Variants in STAT5A observed in about 807,000 individuals in gnomAD.
STAT5A encodes the protein signal transducer and activator of transcription 5A, also known as epididymis secretory sperm binding protein.
Under a neutral mutation model 100.2 loss-of-function variants are expected in STAT5A, and 26 were observed. That is an observed-to-expected ratio of 0.26 (90% CI 0.19 to 0.36). STAT5A has a LOEUF of 0.36. Ranked by LOEUF, STAT5A falls within the 10% of genes least tolerant of loss-of-function variation. STAT5A has a pLI of 1.00. For missense variants in STAT5A, 634 were observed against 1,027.5 expected, an observed-to-expected ratio of 0.62 and a Z score of 5.24; for synonymous variants, 330 against 424.3, an observed-to-expected ratio of 0.78 and a Z score of 2.73.
chr17:42,293,577 T>C (rs1403056290), intron 4 of STAT5A, among the ~76,000 whole-genome samples: 1 of 152,244 alleles, frequency 6.6e-6, no homozygotes, highest in Non-Finnish European at 1.5e-5. Flanking sequence ...TCTTACTGTG[T>C]GTCCGATGCT....
At chr17:42,306,170 G>C in intron 12 of STAT5A, 71 bp from the exon 13 acceptor site, 1 of 1,610,232 alleles carries the variant, frequency 6.2e-7, no homozygotes, top group Non-Finnish European at 8.5e-7. Flanking sequence ...AGGTGTCTGT[G>C]TATCTTGTGT....
intron 6 of STAT5A, 86 bp from the exon 7 acceptor site, chr17:42,300,043 GC>G: frequency 1.7e-6 from 2 of 1,156,836 alleles, no homozygotes; most frequent in East Asian, 5.2e-5. Context: ...AGAGGGAACG[GC>G]CTGGGCCCTG....
At chr17:42,305,512 A>T (rs749476304) in intron 11 of STAT5A, 98 bp from the exon 12 acceptor site, 23 of 1,060,008 alleles carry the variant, frequency 2.2e-5, no homozygotes, top group Middle Eastern at 2.1e-4. Flanking sequence ...CAAAAAAAAA[A>T]ATACATAAAA....
chr17:42,292,624 G>A (rs1386917125), intron 4 of STAT5A, among the ~76,000 whole-genome samples: 2 of 137,468 alleles, frequency 1.5e-5, no homozygotes, highest in African/African-American at 5.5e-5. Flanking sequence ...CACGCTTGGC[G>A]CCTACTGTTT....
At chr17:42,306,531 G>A in intron 13 of STAT5A, 84 bp downstream of exon 13, 1 of 1,543,344 alleles carries the variant, frequency 6.5e-7, no homozygotes, top group Non-Finnish European at 8.8e-7. Flanking sequence ...ACTGCCTGGG[G>A]CTAGCACCCC....
chr17:42,295,221 G>A (rs1173362159), intron 4 of STAT5A, among the ~76,000 whole-genome samples: 2 of 152,172 alleles, frequency 1.3e-5, no homozygotes. Context: ...TATTGAGTCA[G>A]CAAATAAATG....
chr17:42,306,134 G>T, intron 12 of STAT5A, 107 bp from the exon 13 acceptor site: 1 of 1,564,022 alleles, frequency 6.4e-7, no homozygotes, highest in African/African-American at 1.4e-5. Flanking sequence ...CACCTTTCTG[G>T]ATCTGTCTCA....
Position 42,288,545 on chromosome 17 carries a change from G to T in STAT5A, c.-64G>T. 6.5e-6 allele frequency: 1 copy of T among 153,070 alleles called. No homozygotes were observed. The highest frequency in any genetic ancestry group is 1.9e-4 in the South Asian group (1 of 5,314). 9.5% of individuals were successfully genotyped at this position (153,070 alleles called of 1,614,324 possible). ...GCCGCCAGGAACCCCGGCCGGGAGC[G>T]AGAGCCGCGGGGCGCAGAGCCGGCC... On this transcript the variant is annotated 5_prime_UTR_variant, in exon 1 of 19. Coordinates refer to ENST00000590949, the MANE Select transcript of STAT5A (RefSeq NM_001288718.2). The surrounding 1 kb of genome is among the most constrained non-coding windows in gnomAD (Gnocchi z 4.8).
chr17:42,310,444 C>T lies in STAT5A; in HGVS notation c.2223-63C>T, dbSNP rs1402810261. ...GAGTGGAGAGCAGGCTGGAGGCTGT[C>T]CCCAGGGAGCTTGAGGCTGTGAGAC... On this transcript the variant is annotated intron_variant, in intron 18 of 18. Transcript: ENST00000590949. 3 of 1,581,602 alleles carry T rather than the reference C, an allele frequency of 1.9e-6. No individual in the cohort carries two copies. In the African/African-American group the frequency reaches 4.0e-5, roughly 21 times the overall value.
intron 5 of STAT5A, 93 bp from the exon 6 acceptor site, chr17:42,299,658 A>G: frequency 6.3e-7 from 1 of 1,592,534 alleles, no homozygotes; most frequent in African/African-American, 1.3e-5. Flanking sequence ...TGAGCCTGGG[A>G]GGGTCTCGCT....
In STAT5A at chr17:42,299,876, C is replaced by G. The variant is rs542759072; in HGVS notation, c.676C>G (p.Arg226Gly). The G allele has an allele frequency of 2.6e-5, 42 of 1,607,682 alleles. No homozygotes were observed. Among genetic ancestry groups the G allele is most frequent in the Non-Finnish European group, 2.8e-5 (33 of 1,178,292 alleles). The change falls in exon 6 of 19, where the codon CGC (arginine) becomes GGC (glycine). Residue 226 changes from arginine (R) to glycine (G), a missense_variant. By Grantham distance (125) the Arg-to-Gly change is moderately radical (BLOSUM62 -2). Coordinates refer to ENST00000590949, the MANE Select transcript of STAT5A (RefSeq NM_001288718.2). ...QREAQTLQQY[R>G]VELAEKHQKT... ...TGAGGCACAGACACTGCAGCAGTAC[C>G]GCGTGGTGAGTGGGGTCCTGGGCCT...
chr17:42,297,943 C>T (rs1184560470), intron 5 of STAT5A, among the ~76,000 whole-genome samples: 16 of 151,494 alleles, frequency 1.1e-4, no homozygotes, highest in African/African-American at 2.4e-4. Flanking sequence ...TGCTGGTGCG[C>T]GCATCTTCTG....
In STAT5A at chr17:42,308,426, C is replaced by T. The variant is rs767638222; in HGVS notation, c.2062+93C>T. 1 of 1,570,552 alleles carries T rather than the reference C, an allele frequency of 6.4e-7. No homozygotes were observed. The highest frequency in any genetic ancestry group is 1.1e-5 in the South Asian group (1 of 88,306). ...TTGGGCTGCGCCGTGGGGACTTCCC[C>T]AGGAGGAGCCTAGGGGCCATGTCCC... On this transcript the variant is annotated intron_variant, in intron 16 of 18. Coordinates refer to ENST00000590949, the MANE Select transcript of STAT5A (RefSeq NM_001288718.2). The surrounding 1 kb of genome is among the most constrained non-coding windows in gnomAD (Gnocchi z 4.6).
At chr17:42,301,194 C>T in intron 8 of STAT5A, 81 bp from the exon 9 acceptor site, 1 of 1,561,800 alleles carries the variant, frequency 6.4e-7, no homozygotes, top group Non-Finnish European at 8.7e-7. Flanking sequence ...GGAGGCAGCC[C>T]CACCCCCACC....
At chr17:42,294,843 T>C (rs1010251461) in intron 4 of STAT5A, among the ~76,000 whole-genome samples, 2 of 152,046 alleles carry the variant, frequency 1.3e-5, no homozygotes, top group African/African-American at 4.8e-5. Flanking sequence ...TGAGGACTTG[T>C]TCCTCTTCAT....
intron 4 of STAT5A, among the ~76,000 whole-genome samples, chr17:42,294,600 G>A (rs1466739485): frequency 6.6e-6 from 1 of 152,222 alleles, no homozygotes; most frequent in Non-Finnish European, 1.5e-5. Context: ...CCTCTGCAAT[G>A]GTACCAGTTA....
chr17:42,294,712 A>G (rs1205743835), intron 4 of STAT5A, among the ~76,000 whole-genome samples: 2 of 152,212 alleles, frequency 1.3e-5, no homozygotes, highest in Non-Finnish European at 2.9e-5. Context: ...TGTTCAAGGA[A>G]CAGAAACAGA....
In STAT5A at chr17:42,307,633, C is replaced by T; in HGVS notation, c.1816C>T (p.Leu606=). The T allele has an allele frequency of 6.2e-7, 1 of 1,614,150 alleles. No individual in the cohort carries two copies. The highest frequency in any genetic ancestry group is 1.1e-5 in the South Asian group (1 of 91,074). The change falls in exon 15 of 19, where the codon CTG becomes TTG. Residue 606 remains leucine (L), a synonymous_variant. Coordinates refer to ENST00000590949, the MANE Select transcript of STAT5A (RefSeq NM_001288718.2). ...TGTGAATAAGCAACAGGCCCACGAC[C>T]TGCTCATCAACAAGCCCGACGGGAC... ...GFVNKQQAHD[L]LINKPDGTFL...
At chr17:42,301,139 G>C in intron 8 of STAT5A, 136 bp from the exon 9 acceptor site, 1 of 1,437,398 alleles carries the variant, frequency 7.0e-7, no homozygotes, top group Non-Finnish European at 9.5e-7. Context: ...CAGCTTCCCC[G>C]GGAACAGAGG....
Sources: gnomAD v4.1 joint callset for allele counts (sites outside exome capture counted in the v4.1 genomes callset) on GRCh38, gnomAD v4.1.1 for gene constraint, Gnocchi (gnomAD v3.1) non-coding constraint, MANE v1.5 for transcripts, NCBI Gene and HGNC (gene_info 2026-07-23, HGNC 2026-07-21) for gene names.